The following TMEM254 variants were observed in gnomAD, a reference collection of about 807,000 sequenced individuals.
The protein encoded by TMEM254 is transmembrane protein C10orf57.
In TMEM254, 16 loss-of-function variants were observed where a neutral mutation model predicts 13.9. The ratio of observed to expected loss-of-function variants is 1.15; its 90% CI spans 0.78 to 1.75. The LOEUF is 1.75. Ranked by LOEUF, TMEM254 falls within the 40% of genes most tolerant of loss-of-function variation. The pLI, the probability that TMEM254 is intolerant of heterozygous loss-of-function variation, is 0.00. For synonymous variants in TMEM254, 61 were observed against 56.4 expected, an observed-to-expected ratio of 1.08 and a Z score of -0.36; for missense variants, 155 against 149.0, an observed-to-expected ratio of 1.04 and a Z score of -0.21.
In TMEM254 at chr10:80,086,281, T is replaced by C. The variant is rs563902948; in HGVS notation, c.251+4077T>C. The C allele has an allele frequency of 2.0e-6, 3 of 1,466,318 alleles. No individual in the cohort carries two copies. In the South Asian group the frequency reaches 4.2e-5, roughly 21 times the overall value. The allele number at this position is 1,466,318 out of a possible 1,614,324, so 90.8% of individuals were successfully genotyped here. ...AAGGTATGTGAATGAGAACAAGTTA[T>C]GATGACCCCAGGAAAACCCTTCTCC... is the stretch of plus-strand genomic sequence containing the variant. On this transcript the variant is annotated intron_variant, in intron 3 of 3. Transcript: ENST00000372281.
At chr10:80,084,009 C>A (rs1350214993) in intron 3 of TMEM254, among the ~76,000 whole-genome samples, 1 of 152,002 alleles carries the variant, frequency 6.6e-6, no homozygotes, top group Non-Finnish European at 1.5e-5. Flanking sequence ...CGCTTGAATC[C>A]GGGAGGCAGA....
chr10:80,078,707 C>T lies in TMEM254; in HGVS notation c.8C>T (p.Thr3Met). 1.9e-6 allele frequency: 3 copies of T among 1,601,162 alleles called. No individual in the cohort carries two copies. The highest frequency in any genetic ancestry group is 1.7e-6 in the Non-Finnish European group (2 of 1,175,430). Residue 3 changes from threonine to methionine, a missense_variant, in exon 1 of 4, where the codon ACG becomes ATG. Coordinates refer to ENST00000372281, the MANE Select transcript of TMEM254 (RefSeq NM_025125.4). MA[T>M]AAGATYFQRG... is the part of the protein sequence containing the mutation. ...CGGGGAGGTGTTGCAGCCATGGCTACGGCAGCCGGCGCGACCTACTTTCAG... is the reference window on the plus strand; with the variant it reads ...CGGGGAGGTGTTGCAGCCATGGCTATGGCAGCCGGCGCGACCTACTTTCAG...
Position 80,079,782 on chromosome 10 carries a change from G to T in TMEM254, c.87+996G>T, listed in dbSNP as rs1352709163. ...GGCTGGAGTGCAGTGGGGCGATCTC[G>T]GCTCACTGCAACCTCTGCTTCCCAG... On this transcript the variant is annotated intron_variant, in intron 1 of 3. Coordinates refer to ENST00000372281, the MANE Select transcript of TMEM254 (RefSeq NM_025125.4). The T allele has an allele frequency of 6.4e-6, 5 of 779,528 alleles. No individual in the cohort carries two copies. In the African/African-American group the frequency reaches 9.4e-5, roughly 15 times the overall value. 48.3% of individuals were successfully genotyped at this position (779,528 alleles called of 1,614,324 possible). A position where few individuals can be genotyped will look rare whatever the true frequency, so the allele number is the denominator to read the frequency against.
chr10:80,091,493 T>G lies in TMEM254; in HGVS notation c.*576T>G, dbSNP rs1320628543. ...AGCAAGTGCCTGGAATGGGGCAGGC[T>G]GAGCAGTCACACAGGCATAGAGGCA... On this transcript the variant is annotated 3_prime_UTR_variant, in exon 4 of 4. Transcript: ENST00000372281. 1 of 152,348 alleles carries G rather than the reference T, an allele frequency of 6.6e-6. No homozygotes were observed. Among genetic ancestry groups the G allele is most frequent in the East Asian group, 1.9e-4 (1 of 5,192 alleles). The allele number at this position is 152,348 out of a possible 1,614,324, so 9.4% of individuals were successfully genotyped here.
At chr10:80,085,173 G>A (rs1439285868) in intron 3 of TMEM254, among the ~76,000 whole-genome samples, 1 of 152,126 alleles carries the variant, frequency 6.6e-6, no homozygotes, top group Non-Finnish European at 1.5e-5. Context: ...AGGCATAGAG[G>A]TTAGGTTACT....
chr10:80,085,877 C>T (rs938848295), intron 3 of TMEM254, among the ~76,000 whole-genome samples: 2 of 152,122 alleles, frequency 1.3e-5, no homozygotes, highest in African/African-American at 4.8e-5. Flanking sequence ...GGCTTATTCT[C>T]TTAGTTCAGA....
In TMEM254 at chr10:80,082,982, G is replaced by A. The variant is rs1357338158; in HGVS notation, c.251+778G>A. ...AAAGTGGAAAATAAGATACTGTATTGCTATTACTATGTTTCAATAATAAAA... is the reference window on the plus strand; with the variant it reads ...AAAGTGGAAAATAAGATACTGTATTACTATTACTATGTTTCAATAATAAAA... On this transcript the variant is annotated intron_variant, in intron 3 of 3. Transcript: ENST00000372281. Among the ~76,000 whole-genome samples, 6 of 151,840 alleles carry A rather than the reference G, an allele frequency of 4.0e-5. No individual in the cohort carries two copies. In the East Asian group the frequency reaches 9.7e-4, roughly 24 times the overall value.
chr10:80,078,766 C>T lies in TMEM254; in HGVS notation c.67C>T (p.Leu23Phe), dbSNP rs1207813420. 7.5e-6 allele frequency: 12 copies of T among 1,607,368 alleles called. No individual in the cohort carries two copies. Among genetic ancestry groups the T allele is most frequent in the African/African-American group, 1.3e-5 (1 of 74,816 alleles). The change falls in exon 1 of 4, where the codon CTC becomes TTC. Residue 23 changes from leucine (L) to phenylalanine (F), a missense_variant. Coordinates refer to ENST00000372281, the MANE Select transcript of TMEM254 (RefSeq NM_025125.4). ...TCTGTTCTGGTTCACAGTCATCACC[C>T]TCAGCTTTGGCTACTACACAGTAAG... The part of the protein sequence containing the change: ...GSLFWFTVIT[L>F]SFGYYTWVVF...
At position 80,078,794 on chromosome 10, in the gene TMEM254, C is replaced by A. The variant is rs748443554; in HGVS notation, c.87+8C>A. 6.3e-7 allele frequency: 1 copy of A among 1,596,162 alleles called. No individual in the cohort carries two copies. The highest frequency in any genetic ancestry group is 2.3e-5 in the East Asian group (1 of 43,972). ...AGCTTTGGCTACTACACAGTAAGGACAGCCGCTGGAGCGCTACGGTCTGAC... is the reference window on the plus strand; with the variant it reads ...AGCTTTGGCTACTACACAGTAAGGAAAGCCGCTGGAGCGCTACGGTCTGAC... On this transcript the variant is annotated splice_region_variant and intron_variant, in intron 1 of 3. Transcript: ENST00000372281.
At chr10:80,083,523 G>C (rs1342099657) in intron 3 of TMEM254, among the ~76,000 whole-genome samples, 3 of 152,116 alleles carry the variant, frequency 2.0e-5, no homozygotes, top group Non-Finnish European at 1.5e-5. Context: ...TCTCTGGATG[G>C]AATTTCAAAC....
intron 3 of TMEM254, among the ~76,000 whole-genome samples, chr10:80,084,160 G>A (rs1408378137): frequency 6.6e-6 from 1 of 152,106 alleles, no homozygotes; most frequent in Non-Finnish European, 1.5e-5. Flanking sequence ...TGTGTATATT[G>A]CATATCCAGT....
chr10:80,080,129 T>C (rs1843908661), intron 1 of TMEM254, among the ~76,000 whole-genome samples: 1 of 152,198 alleles, frequency 6.6e-6, no homozygotes, highest in South Asian at 2.1e-4. Context: ...TTAGTGTCTG[T>C]GACTAGTTAG....
chr10:80,081,665 CAA>C (rs113172526), intron 1 of TMEM254, 174 bp from the exon 2 acceptor site: 20 of 1,425,172 alleles, frequency 1.4e-5, no homozygotes, highest in South Asian at 5.1e-5. Flanking sequence ...GAGACCCTGT[CAA>C]AAAAAAAAGA....
chr10:80,084,974 C>T (rs1286317371), intron 3 of TMEM254, among the ~76,000 whole-genome samples: 14 of 152,006 alleles, frequency 9.2e-5, no homozygotes, highest in Middle Eastern at 3.4e-3. Flanking sequence ...TACAGGCGCC[C>T]GCCACCAAGC....
chr10:80,090,767 C>T (rs1415307418), intron 3 of TMEM254, 30 bp from the exon 4 acceptor site: 2 of 1,599,490 alleles, frequency 1.3e-6, no homozygotes, highest in Non-Finnish European at 1.7e-6. Context: ...ATTAACATCT[C>T]GTGTTTAAAT....
chr10:80,083,944 G>T (rs1455463789), intron 3 of TMEM254, among the ~76,000 whole-genome samples: 1 of 152,084 alleles, frequency 6.6e-6, no homozygotes. Flanking sequence ...AAAAAGCCAG[G>T]CATGGTGGTG....
At chr10:80,089,778 T>C (rs764872843) in intron 3 of TMEM254, among the ~76,000 whole-genome samples, 12 of 151,724 alleles carry the variant, frequency 7.9e-5, no homozygotes, top group Non-Finnish European at 1.3e-4. Flanking sequence ...CCGAGGTGGG[T>C]GGATCACGAG....
chr10:80,079,673 C>T (rs10788439), intron 1 of TMEM254: 614,445 of 985,426 alleles, frequency 0.62, 191,994 homozygotes, highest in South Asian at 0.74. Context: ...TAAAGGATAA[C>T]GAGAAAGATG....
chr10:80,090,157 G>A (rs1478134727), intron 3 of TMEM254, among the ~76,000 whole-genome samples: 4 of 152,124 alleles, frequency 2.6e-5, no homozygotes, highest in Non-Finnish European at 5.9e-5. Context: ...AGTCATCCAA[G>A]TGAGACTTAT....
Sources: gnomAD v4.1 joint callset for allele counts (sites outside exome capture counted in the v4.1 genomes callset) on GRCh38, gnomAD v4.1.1 for gene constraint, MANE v1.5 for transcripts, NCBI Gene and HGNC (gene_info 2026-07-23, HGNC 2026-07-21) for gene names.